Variants in ALDH9A1 observed in about 807,000 individuals in gnomAD.
ALDH9A1 encodes the protein 4-trimethylaminobutyraldehyde dehydrogenase.
ALDH9A1 carries 42 observed loss-of-function variants against 56.6 expected under a neutral mutation model. That is an observed-to-expected ratio of 0.74 (90% CI 0.58 to 0.96). The LOEUF is 0.96. Among genes scored for constraint, ALDH9A1 ranks in the 40% least tolerant of loss-of-function variants. The pLI is 0.00. For missense variants in ALDH9A1, 661 were observed against 651.5 expected, an observed-to-expected ratio of 1.01 and a Z score of -0.16; for synonymous variants, 242 against 236.0, an observed-to-expected ratio of 1.03 and a Z score of -0.23.
At chr1:165,680,713 A>G in intron 4 of ALDH9A1, 30 bp from the exon 5 acceptor site, 1 of 1,555,020 alleles carries the variant, frequency 6.4e-7, no homozygotes, top group Non-Finnish European at 8.7e-7. Context: ...AAACATAAAA[A>G]GACTTTCTAA....
At chr1:165,692,634 A>T (rs1486237040) in intron 2 of ALDH9A1, among the ~76,000 whole-genome samples, 1 of 152,200 alleles carries the variant, frequency 6.6e-6, no homozygotes, top group Non-Finnish European at 1.5e-5. Flanking sequence ...AAATGGCCAT[A>T]CTGCCCAAGG....
Position 165,665,054 on chromosome 1 carries a change from G to A in ALDH9A1, c.1426C>T (p.Pro476Ser). Reference protein sequence around the residue: ...TCFINNYNVSPVELPFGGYKK... With the variant: ...TCFINNYNVSSVELPFGGYKK... ...TATCCACCAAAGGGCAACTCCACTG[G>A]GCTGACGTTATAGTTGTTAATGAAG... The change falls in exon 10 of 11, where the codon CCA becomes TCA. Residue 476 changes from proline (P) to serine (S), a missense_variant. Coordinates refer to ENST00000354775, the MANE Select transcript of ALDH9A1 (RefSeq NM_000696.4). The A allele has an allele frequency of 6.2e-7, 1 of 1,613,930 alleles. No individual in the cohort carries two copies. Among genetic ancestry groups the A allele is most frequent in the Non-Finnish European group, 8.5e-7 (1 of 1,179,932 alleles).
chr1:165,684,069 T>C (rs1407060342), intron 2 of ALDH9A1, among the ~76,000 whole-genome samples: 7 of 152,028 alleles, frequency 4.6e-5, no homozygotes, highest in African/African-American at 1.7e-4. Context: ...CAAGCATCTA[T>C]CCACAGTACA....
intron 6 of ALDH9A1, among the ~76,000 whole-genome samples, chr1:165,675,407 A>C (rs1649327427): frequency 6.6e-6 from 1 of 152,108 alleles, no homozygotes; most frequent in South Asian, 2.1e-4. Flanking sequence ...ACAAAAGAGT[A>C]CCTCTAATGT....
intron 6 of ALDH9A1, among the ~76,000 whole-genome samples, chr1:165,677,777 G>A (rs1456662040): frequency 6.8e-6 from 1 of 146,260 alleles, no homozygotes; most frequent in African/African-American, 2.6e-5. Flanking sequence ...AGAATGGCAT[G>A]AACCCAGGAG....
intron 2 of ALDH9A1, among the ~76,000 whole-genome samples, chr1:165,687,528 A>G (rs1401323228): frequency 1.3e-5 from 2 of 152,242 alleles, no homozygotes; most frequent in African/African-American, 2.4e-5. Context: ...AAATGACAGT[A>G]AATTTCTCTT....
At chr1:165,687,764 G>C (rs762449901) in intron 2 of ALDH9A1, among the ~76,000 whole-genome samples, 49 of 152,112 alleles carry the variant, frequency 3.2e-4, no homozygotes, top group Non-Finnish European at 1.3e-4. Flanking sequence ...GAGGTGGGCG[G>C]ATCACTGGAG....
At chr1:165,681,819 T>C (rs1412093109) in intron 4 of ALDH9A1, among the ~76,000 whole-genome samples, 1 of 152,202 alleles carries the variant, frequency 6.6e-6, no homozygotes, top group African/African-American at 2.4e-5. Context: ...GTAGCACAAA[T>C]CTAATTCAAT....
chr1:165,675,102 G>A (rs1392514579), intron 6 of ALDH9A1, among the ~76,000 whole-genome samples: 1 of 152,158 alleles, frequency 6.6e-6, no homozygotes, highest in Non-Finnish European at 1.5e-5. Context: ...GGGTGAGGCA[G>A]GAGAATCGCT....
intron 7 of ALDH9A1, 63 bp downstream of exon 7, chr1:165,669,199 A>T (rs1049594114): frequency 2.0e-6 from 3 of 1,465,380 alleles, no homozygotes; most frequent in Non-Finnish European, 2.8e-6. Context: ...AAGGGCACAA[A>T]GCATGTGATT....
At chr1:165,682,701 T>C (rs553001757) in intron 3 of ALDH9A1, 7 of 367,524 alleles carry the variant, frequency 1.9e-5, no homozygotes, top group Non-Finnish European at 3.4e-5. Flanking sequence ...CCGATTCTTA[T>C]GAAAACTGGT....
intron 2 of ALDH9A1, among the ~76,000 whole-genome samples, chr1:165,690,381 C>A (rs1649850589): frequency 6.6e-6 from 1 of 151,950 alleles, no homozygotes; most frequent in South Asian, 2.1e-4. Flanking sequence ...TCTGAATTTT[C>A]TTTCTATAAT....
intron 5 of ALDH9A1, among the ~76,000 whole-genome samples, chr1:165,680,209 G>A (rs1649499533): frequency 7.1e-6 from 1 of 141,454 alleles, no homozygotes; most frequent in Admixed American, 7.0e-5. Context: ...ACAAGTGGCA[G>A]CCCAGGCCCC....
At chr1:165,698,031 A>AAAAC (rs1481756819) in intron 1 of ALDH9A1, among the ~76,000 whole-genome samples, 1 of 152,032 alleles carries the variant, frequency 6.6e-6, no homozygotes, top group Non-Finnish European at 1.5e-5. Context: ...ACCCTGTCTC[A>AAAAC]AAACAAACAA....
At chr1:165,673,447 C>T (rs960358499) in intron 6 of ALDH9A1, among the ~76,000 whole-genome samples, 3 of 152,138 alleles carry the variant, frequency 2.0e-5, no homozygotes, top group Non-Finnish European at 2.9e-5. Context: ...ATGGACTTGT[C>T]CTGAATTCTT....
intron 6 of ALDH9A1, among the ~76,000 whole-genome samples, chr1:165,678,268 A>G (rs1649433509): frequency 6.6e-6 from 1 of 152,202 alleles, no homozygotes; most frequent in Admixed American, 6.5e-5. Flanking sequence ...TGGGAGGCAG[A>G]GGATGCAGTG....
chr1:165,663,315 G>A (rs1378326561), intron 10 of ALDH9A1, among the ~76,000 whole-genome samples, 171 bp from the exon 11 acceptor site: 2 of 152,128 alleles, frequency 1.3e-5, no homozygotes, highest in East Asian at 3.9e-4. Flanking sequence ...CTAGGCATGG[G>A]GAAAATGACC....
chr1:165,679,322 T>G (rs4646897), intron 6 of ALDH9A1, 120 bp downstream of exon 6: 484,094 of 1,129,322 alleles, frequency 0.43, 106,653 homozygotes, highest in Middle Eastern at 0.46. Context: ...GAATTCTTTG[T>G]ACTATTTGTG....
At chr1:165,665,363 T>C (rs1161996442) in intron 9 of ALDH9A1, among the ~76,000 whole-genome samples, 2 of 152,134 alleles carry the variant, frequency 1.3e-5, no homozygotes, top group African/African-American at 4.8e-5. Context: ...CAAAATTCAA[T>C]GGAGGAAAAA....
Sources: allele counts gnomAD v4.1 joint callset (sites outside exome capture counted in the v4.1 genomes callset), GRCh38; gene constraint gnomAD v4.1.1; transcripts MANE v1.5; gene names NCBI Gene and HGNC (gene_info 2026-07-23, HGNC 2026-07-21).